Variants in APBB2 observed in about 807,000 individuals in gnomAD.
The protein encoded by APBB2 is Fe65-like 1.
APBB2 carries 38 observed loss-of-function variants against 82.5 expected under a neutral mutation model. That is an observed-to-expected ratio of 0.46 (90% CI 0.36 to 0.60). APBB2 has a LOEUF of 0.60. Among genes scored for constraint, APBB2 ranks in the 20% least tolerant of loss-of-function variants. The pLI, the probability that APBB2 is intolerant of heterozygous loss-of-function variation, is 0.00. For missense variants in APBB2, 772 were observed against 972.3 expected (o/e 0.79, Z 2.74); for synonymous variants, 341 against 368.2 (o/e 0.93, Z 0.85).
At chr4:41,211,527 G>A (rs1779320647) in intron 1 of APBB2, among the ~76,000 whole-genome samples, 1 of 151,636 alleles carries the variant, frequency 6.6e-6, no homozygotes, top group Admixed American at 6.6e-5. Flanking sequence ...CTTTTGCCCA[G>A]GCTGGAGTGC....
intron 12 of APBB2, among the ~76,000 whole-genome samples, chr4:40,886,326 A>C (rs1770257282): frequency 6.6e-6 from 1 of 152,112 alleles, no homozygotes; most frequent in African/African-American, 2.4e-5. Flanking sequence ...TAAAAATACA[A>C]AAAATTGGCC....
At chr4:41,008,936 C>T (rs1316181946) in intron 6 of APBB2, among the ~76,000 whole-genome samples, 1 of 152,208 alleles carries the variant, frequency 6.6e-6, no homozygotes, top group Non-Finnish European at 1.5e-5. Context: ...TGCTTTTGTA[C>T]ACTTTAGCAA....
intron 6 of APBB2, among the ~76,000 whole-genome samples, chr4:40,962,713 A>G (rs1268507082): frequency 6.6e-6 from 1 of 152,006 alleles, no homozygotes; most frequent in Non-Finnish European, 1.5e-5. Context: ...AAAGAGGAGG[A>G]CAAAGAAGTG....
chr4:41,057,229 T>C (rs1667437970), intron 4 of APBB2, among the ~76,000 whole-genome samples: 1 of 152,170 alleles, frequency 6.6e-6, no homozygotes, highest in African/African-American at 2.4e-5. Flanking sequence ...GGCGGGCAGA[T>C]CACCTCAGGT....
Position 40,810,380 on chromosome 4 carries a change from GACA to G in APBB2, c.*5709_*5711del, listed in dbSNP as rs1023507433. ...AGCACCGGAGTTCCAGACGAGCCTG[GACA>G]ACATGGCGAAACCCCAAAACCCCAT... On this transcript the variant is annotated 3_prime_UTR_variant, in exon 18 of 18. Coordinates refer to ENST00000508593, the MANE Select transcript of APBB2 (RefSeq NM_004307.2). 2 of 151,858 alleles carry G rather than the reference GACA, an allele frequency of 1.3e-5. No individual in the cohort carries two copies. Among genetic ancestry groups the G allele is most frequent in the African/African-American group, 4.8e-5 (2 of 41,334 alleles). The allele number at this position is 151,858 out of a possible 1,614,324, so 9.4% of individuals were successfully genotyped here. A position where few individuals can be genotyped will look rare whatever the true frequency, so the allele number is the denominator to read the frequency against.
chr4:41,070,339 C>T (rs375533987), intron 3 of APBB2, among the ~76,000 whole-genome samples: 1 of 152,082 alleles, frequency 6.6e-6, no homozygotes, highest in East Asian at 1.9e-4. Flanking sequence ...GACAGAGTTT[C>T]ACTCCTGTCG....
chr4:40,881,365 T>C (rs998828169), intron 12 of APBB2: 2 of 984,228 alleles, frequency 2.0e-6, no homozygotes, highest in African/African-American at 3.5e-5. Context: ...CCCTACTAGA[T>C]GTCATCAGGA....
intron 6 of APBB2, among the ~76,000 whole-genome samples, chr4:40,974,546 A>C (rs1327678989): frequency 6.6e-6 from 1 of 152,106 alleles, no homozygotes; most frequent in Non-Finnish European, 1.5e-5. Context: ...AACAGAGACT[A>C]AAAGAACAGA....
intron 6 of APBB2, among the ~76,000 whole-genome samples, chr4:40,949,301 GC>G (rs1789404296): frequency 6.6e-6 from 1 of 152,166 alleles, no homozygotes; most frequent in African/African-American, 2.4e-5. Context: ...AGATAGTGGT[GC>G]AGGTAGGTGG....
intron 12 of APBB2, among the ~76,000 whole-genome samples, chr4:40,837,948 TAG>T (rs1256468912): frequency 6.6e-6 from 1 of 152,078 alleles, no homozygotes; most frequent in Non-Finnish European, 1.5e-5. Context: ...AGGACCAAGA[TAG>T]AGTTTTGCTG....
intron 4 of APBB2, among the ~76,000 whole-genome samples, chr4:41,041,914 T>TA (rs1450356832): frequency 3.9e-5 from 6 of 152,362 alleles, no homozygotes; most frequent in African/African-American, 1.2e-4. Context: ...GAGTTATCTT[T>TA]ATAACACTTA....
chr4:40,857,412 T>G (rs1179769918), intron 12 of APBB2, among the ~76,000 whole-genome samples: 1 of 152,270 alleles, frequency 6.6e-6, no homozygotes, highest in Non-Finnish European at 1.5e-5. Context: ...GAAACTTCAT[T>G]CAAACCCACT....
intron 1 of APBB2, among the ~76,000 whole-genome samples, chr4:41,203,223 T>C (rs4634261): frequency 0.1 from 15,898 of 152,022 alleles, 1,241 homozygotes; most frequent in African/African-American, 0.23. Context: ...CACACACACG[T>C]GTACACGTAA....
intron 12 of APBB2, among the ~76,000 whole-genome samples, chr4:40,833,144 T>C (rs1752639564): frequency 6.6e-6 from 1 of 152,174 alleles, no homozygotes; most frequent in African/African-American, 2.4e-5. Context: ...AGAGGGTCCT[T>C]CAGAAATACA....
intron 10 of APBB2, among the ~76,000 whole-genome samples, chr4:40,910,211 G>A (rs1293569898): frequency 1.3e-5 from 2 of 150,038 alleles, no homozygotes; most frequent in Admixed American, 6.7e-5. Flanking sequence ...CAGGTGATCC[G>A]CCGCCTCGGC....
At chr4:41,178,874 A>G (rs1770554934) in intron 1 of APBB2, among the ~76,000 whole-genome samples, 2 of 152,194 alleles carry the variant, frequency 1.3e-5, no homozygotes, top group Admixed American at 1.3e-4. Context: ...CAAATACTTG[A>G]GCCATAACCT....
intron 1 of APBB2, among the ~76,000 whole-genome samples, chr4:41,147,301 T>G (rs1761041846): frequency 6.6e-6 from 1 of 152,160 alleles, no homozygotes; most frequent in Non-Finnish European, 1.5e-5. Flanking sequence ...GTCACCAAGT[T>G]ATTTTTCTCA....
intron 5 of APBB2, among the ~76,000 whole-genome samples, chr4:41,022,496 A>G (rs966046737): frequency 3.9e-5 from 6 of 151,930 alleles, no homozygotes; most frequent in African/African-American, 1.5e-4. Context: ...GCAAATTCCT[A>G]CTCCTCTTTG....
chr4:41,033,550 C>CCTT (rs2154442893), intron 4 of APBB2, among the ~76,000 whole-genome samples: 1 of 146,370 alleles, frequency 6.8e-6, no homozygotes, highest in African/African-American at 2.5e-5. Flanking sequence ...GCCTTACCTA[C>CCTT]CTTTCTGTCT....
Sources: gnomAD v4.1 joint callset for allele counts (sites outside exome capture counted in the v4.1 genomes callset) on GRCh38, gnomAD v4.1.1 for gene constraint, MANE v1.5 for transcripts, NCBI Gene and HGNC (gene_info 2026-07-23, HGNC 2026-07-21) for gene names.